SYT1: variants seen among roughly 807,000 people sequenced by gnomAD.
SYT1 encodes synaptotagmin-1.
Under a neutral mutation model 44.8 loss-of-function variants are expected in SYT1, and 8 were observed. The observed-to-expected ratio is 0.18, with a 90% CI of 0.10 to 0.32. The LOEUF (loss-of-function observed/expected upper bound fraction) is 0.32, where lower values mean the gene tolerates loss of function less well. Ranked by LOEUF, SYT1 falls within the 10% of genes least tolerant of loss-of-function variation. The pLI is 1.00. For synonymous variants in SYT1, 154 were observed against 188.8 expected (o/e 0.82, Z 1.51); for missense variants, 286 against 509.3 (o/e 0.56, Z 4.22).
rs1281278719 is a variant in SYT1 at position 79,083,433 on chromosome 12, G to A, written c.-18+36071G>A. 3.3e-5 allele frequency among the ~76,000 whole-genome samples: 5 copies of A among 152,224 alleles called. No homozygotes were observed. In the East Asian group the frequency reaches 7.7e-4, roughly 24 times the overall value. The stretch of plus-strand genomic sequence containing the variant: ...TAGCTCCCACACATTTCCATAAGGA[G>A]TTATGGGCCAGGATGCTCAGGTCAG... On this transcript the variant is annotated intron_variant, in intron 3 of 10. Transcript: ENST00000261205.
intron 9 of SYT1, among the ~76,000 whole-genome samples, chr12:79,388,380 G>A (rs1341867487): frequency 2.0e-5 from 3 of 152,000 alleles, no homozygotes; most frequent in Admixed American, 6.6e-5. Flanking sequence ...GAGGGACTAT[G>A]TGTTTGAAAA....
chr12:79,407,961 T>A (rs1885301257), intron 9 of SYT1, among the ~76,000 whole-genome samples: 1 of 152,128 alleles, frequency 6.6e-6, no homozygotes, highest in African/African-American at 2.4e-5. Flanking sequence ...CTTCTAACAC[T>A]GACCACCACC....
At chr12:79,069,913 C>A (rs931206740) in intron 3 of SYT1, among the ~76,000 whole-genome samples, 4 of 151,802 alleles carry the variant, frequency 2.6e-5, no homozygotes, top group Admixed American at 2.6e-4. Context: ...TCTCATTGTC[C>A]AACAGAATCA....
chr12:78,966,769 C>T (rs1229709933), intron 1 of SYT1, among the ~76,000 whole-genome samples: 1 of 152,086 alleles, frequency 6.6e-6, no homozygotes, highest in Non-Finnish European at 1.5e-5. Flanking sequence ...CTGTATCCTA[C>T]AGATACATAT....
intron 3 of SYT1, among the ~76,000 whole-genome samples, chr12:79,125,223 G>A (rs1027442581): frequency 1.4e-4 from 22 of 152,210 alleles, no homozygotes; most frequent in African/African-American, 5.3e-4. Flanking sequence ...ATTAAAAACT[G>A]TGCAAATGGA....
chr12:78,879,084 C>A (rs1385821561), intron 1 of SYT1, among the ~76,000 whole-genome samples: 4 of 151,676 alleles, frequency 2.6e-5, no homozygotes, highest in Admixed American at 6.6e-5. Flanking sequence ...ATAACACACC[C>A]ATTCCCACCC....
chr12:79,404,077 A>C (rs915684245), intron 9 of SYT1, among the ~76,000 whole-genome samples: 1 of 152,294 alleles, frequency 6.6e-6, no homozygotes, highest in East Asian at 1.9e-4. Flanking sequence ...CAGAGCTCCA[A>C]GGATAAGCAC....
intron 9 of SYT1, among the ~76,000 whole-genome samples, chr12:79,389,796 A>G (rs970229849): frequency 6.6e-6 from 1 of 152,190 alleles, no homozygotes; most frequent in Non-Finnish European, 1.5e-5. Context: ...GAAGTATCCA[A>G]GATTATTTAG....
chr12:78,885,246 T>C (rs1278045667), intron 1 of SYT1, among the ~76,000 whole-genome samples: 2 of 116,142 alleles, frequency 1.7e-5, no homozygotes, highest in East Asian at 5.2e-4. Flanking sequence ...AAGGGAAGAG[T>C]GAGAAGAAAG....
At chr12:79,342,227 G>T (rs1304905855) in intron 8 of SYT1, among the ~76,000 whole-genome samples, 1 of 151,700 alleles carries the variant, frequency 6.6e-6, no homozygotes, top group Non-Finnish European at 1.5e-5. Context: ...TTAAGATTTG[G>T]TTTTTTGATG....
chr12:79,443,957 T>C (rs1367142471), intron 9 of SYT1, 116 bp from the exon 10 acceptor site: 1 of 1,108,768 alleles, frequency 9.0e-7, no homozygotes, highest in Non-Finnish European at 1.3e-6. Context: ...TTAAAAAATA[T>C]TAAATACATG....
At chr12:79,137,952 T>A (rs998448217) in intron 3 of SYT1, among the ~76,000 whole-genome samples, 1 of 152,188 alleles carries the variant, frequency 6.6e-6, no homozygotes, top group African/African-American at 2.4e-5. Context: ...CTGCAAGCAG[T>A]CATGCATAAA....
intron 9 of SYT1, among the ~76,000 whole-genome samples, chr12:79,370,720 G>T (rs538328507): frequency 1.4e-4 from 21 of 152,026 alleles, no homozygotes; most frequent in African/African-American, 4.3e-4. Context: ...CAGAGATCGC[G>T]CCACTGCACT....
intron 8 of SYT1, among the ~76,000 whole-genome samples, chr12:79,342,007 T>A (rs1007051039): frequency 6.6e-6 from 1 of 152,076 alleles, no homozygotes; most frequent in Non-Finnish European, 1.5e-5. Context: ...CAAAAGGAAC[T>A]GTTTATGTGA....
chr12:79,172,198 T>C (rs1871569206), intron 3 of SYT1, among the ~76,000 whole-genome samples: 1 of 152,012 alleles, frequency 6.6e-6, no homozygotes, highest in Non-Finnish European at 1.5e-5. Flanking sequence ...TTCTAAATGC[T>C]TTGAACTAGA....
intron 9 of SYT1, among the ~76,000 whole-genome samples, chr12:79,438,408 C>T (rs1363992096): frequency 3.3e-5 from 5 of 152,082 alleles, no homozygotes; most frequent in African/African-American, 4.8e-5. Flanking sequence ...GCTAGATCAA[C>T]GTGCTAGGTA....
intron 9 of SYT1, among the ~76,000 whole-genome samples, chr12:79,432,142 G>A (rs949629213): frequency 4.0e-5 from 6 of 151,234 alleles, no homozygotes; most frequent in African/African-American, 1.5e-4. Flanking sequence ...TTAAAAAAGG[G>A]CCTACATTAT....
intron 1 of SYT1, among the ~76,000 whole-genome samples, chr12:78,913,819 T>G (rs893570820): frequency 6.6e-6 from 1 of 151,876 alleles, no homozygotes; most frequent in Admixed American, 6.6e-5. Flanking sequence ...ACCTTATGTA[T>G]CACTAGTCAC....
chr12:78,962,069 G>C (rs1278128312), intron 1 of SYT1, among the ~76,000 whole-genome samples: 1 of 151,946 alleles, frequency 6.6e-6, no homozygotes, highest in East Asian at 1.9e-4. Flanking sequence ...TTTTGTTGTT[G>C]TTTTGCTTTG....
Sources: allele counts gnomAD v4.1 joint callset (sites outside exome capture counted in the v4.1 genomes callset), GRCh38; gene constraint gnomAD v4.1.1; transcripts MANE v1.5; gene names NCBI Gene and HGNC (gene_info 2026-07-23, HGNC 2026-07-21).